TXNRD3: variants seen among roughly 807,000 people sequenced by gnomAD.
The protein encoded by TXNRD3 is TXNRD3 neighbor gene protein.
A neutral mutation model predicts 78.2 loss-of-function variants in TXNRD3; 68 were observed. The ratio of observed to expected loss-of-function variants is 0.87; its 90% CI spans 0.72 to 1.06. The LOEUF is 1.06. Among genes scored for constraint, TXNRD3 ranks in the 50% least tolerant of loss-of-function variants. The pLI, the probability that TXNRD3 is intolerant of heterozygous loss-of-function variation, is 0.00. For missense variants in TXNRD3, 751 were observed against 809.5 expected (o/e 0.93, Z 0.88); for synonymous variants, 296 against 300.1 (o/e 0.99, Z 0.14).
chr3:126,632,784 A>T (rs775525714), intron 7 of TXNRD3, among the ~76,000 whole-genome samples: 1 of 152,166 alleles, frequency 6.6e-6, no homozygotes, highest in African/African-American at 2.4e-5. Flanking sequence ...AGTGGGATGG[A>T]GAACAGAGCC....
At chr3:126,611,961 T>C (rs890446843) in intron 13 of TXNRD3, among the ~76,000 whole-genome samples, 2 of 152,218 alleles carry the variant, frequency 1.3e-5, no homozygotes, top group African/African-American at 4.8e-5. Flanking sequence ...TACAGTTACT[T>C]GTAGCCAAAA....
chr3:126,626,434 C>T (rs938423704), intron 10 of TXNRD3, among the ~76,000 whole-genome samples: 4 of 151,980 alleles, frequency 2.6e-5, no homozygotes, highest in Non-Finnish European at 4.4e-5. Context: ...TATATAGAAG[C>T]CCTGCAATTC....
At chr3:126,629,865 T>C (rs1938669077) in intron 9 of TXNRD3, among the ~76,000 whole-genome samples, 2 of 152,228 alleles carry the variant, frequency 1.3e-5, no homozygotes, top group Admixed American at 6.5e-5. Flanking sequence ...TATGAGGAAT[T>C]CAAGTGGCAA....
intron 12 of TXNRD3, among the ~76,000 whole-genome samples, chr3:126,616,808 G>T (rs1938330149): frequency 6.6e-6 from 1 of 152,060 alleles, no homozygotes; most frequent in African/African-American, 2.4e-5. Flanking sequence ...TCAATGAGAG[G>T]ATTTGCATAC....
In TXNRD3 at chr3:126,644,332, T is replaced by C. The variant is rs1933178059; in HGVS notation, c.484A>G (p.Ile162Val). The C allele has an allele frequency of 1.3e-6, 2 of 1,536,470 alleles. No homozygotes were observed. The highest frequency in any genetic ancestry group is 8.7e-7 in the Non-Finnish European group (1 of 1,147,020). The change falls in exon 4 of 16, where the codon ATC (isoleucine) becomes GTC (valine). Residue 162 changes from isoleucine (I) to valine (V), a missense_variant. Physicochemically the swap from Ile to Val is conservative, Grantham distance 29. Transcript: ENST00000524230. ...GAAAGGCCTCCAGAACCACCACCGATGATGATGAGATCATAATCATATGCC... is the reference window on the plus strand; with the variant it reads ...GAAAGGCCTCCAGAACCACCACCGACGATGATGAGATCATAATCATATGCC...
chr3:126,614,650 A>T (rs1323122254), intron 13 of TXNRD3, among the ~76,000 whole-genome samples: 1 of 152,242 alleles, frequency 6.6e-6, no homozygotes, highest in African/African-American at 2.4e-5. Flanking sequence ...CCAGAAATTT[A>T]AATAGGAGTT....
At chr3:126,611,310 A>T (rs561762724) in intron 13 of TXNRD3, among the ~76,000 whole-genome samples, 178 bp from the exon 14 acceptor site, 1 of 152,336 alleles carries the variant, frequency 6.6e-6, no homozygotes, top group East Asian at 1.9e-4. Flanking sequence ...CTGAAATGCT[A>T]GCTGCATATG....
intron 5 of TXNRD3, among the ~76,000 whole-genome samples, chr3:126,643,607 G>T (rs1184602215): frequency 6.6e-6 from 1 of 151,932 alleles, no homozygotes; most frequent in Non-Finnish European, 1.5e-5. Context: ...GAAATACTGT[G>T]GTCATGGAAT....
chr3:126,630,216 A>G (rs1321671286), intron 9 of TXNRD3, among the ~76,000 whole-genome samples: 1 of 152,256 alleles, frequency 6.6e-6, no homozygotes. Flanking sequence ...ATTTGATGAC[A>G]GGAAGTTTGC....
intron 1 of TXNRD3, among the ~76,000 whole-genome samples, chr3:126,649,348 T>C (rs1263473726): frequency 1.3e-5 from 2 of 152,104 alleles, no homozygotes; most frequent in African/African-American, 4.8e-5. Context: ...AAATAACAAA[T>C]GTTGGTGAGG....
Position 126,630,744 on chromosome 3 carries a change from C to T in TXNRD3, c.1165G>A (p.Val389Met). 5 of 1,534,352 alleles carry T rather than the reference C, an allele frequency of 3.3e-6. No homozygotes were observed. Among genetic ancestry groups the T allele is most frequent in the South Asian group, 1.2e-5 (1 of 83,984 alleles). ...GGTATGAATTTCCGTAGGAACTTCA[C>T]ACCATGCTGCTCCATGTAGGAACCC... Residue 389 changes from valine to methionine, a missense_variant, in exon 9 of 16, where the codon GTG (valine) becomes ATG (methionine). By Grantham distance (21) the Val-to-Met change is conservative. Coordinates refer to ENST00000524230, the MANE Select transcript of TXNRD3 (RefSeq NM_052883.3).
At chr3:126,620,043 C>T (rs992090742) in intron 12 of TXNRD3, among the ~76,000 whole-genome samples, 23 of 152,138 alleles carry the variant, frequency 1.5e-4, no homozygotes, top group African/African-American at 5.6e-4. Context: ...TGCCTGTAAT[C>T]CCAGCACTTT....
At position 126,642,090 on chromosome 3, in the gene TXNRD3, G is replaced by A. The variant is rs1933104697; in HGVS notation, c.654C>T (p.Ala218=). Residue 218 remains alanine, a synonymous_variant, in exon 6 of 16, where the codon GCC becomes GCT. Coordinates refer to ENST00000524230, the MANE Select transcript of TXNRD3 (RefSeq NM_052883.3). Reference sequence around the variant, plus strand: ...AGTCACATAATGCCTGCCCCAAAAGGGCAGCCTGATGCATCAATTTCTTAG... The same window carrying A: ...AGTCACATAATGCCTGCCCCAAAAGAGCAGCCTGATGCATCAATTTCTTAG... 2 of 1,535,560 alleles carry A rather than the reference G, an allele frequency of 1.3e-6. No homozygotes were observed. The highest frequency in any genetic ancestry group is 8.7e-7 in the Non-Finnish European group (1 of 1,146,636).
At chr3:126,641,313 C>T (rs1477449211) in intron 6 of TXNRD3, among the ~76,000 whole-genome samples, 1 of 152,128 alleles carries the variant, frequency 6.6e-6, no homozygotes, top group Non-Finnish European at 1.5e-5. Flanking sequence ...CCTTCATCTA[C>T]TCTTCACTCC....
chr3:126,631,914 C>T (rs1188279286), intron 7 of TXNRD3, 35 bp from the exon 8 acceptor site: 1 of 1,401,722 alleles, frequency 7.1e-7, no homozygotes, highest in South Asian at 1.2e-5. Flanking sequence ...ACTTAGCAAA[C>T]ACTACAGAGT....
chr3:126,619,962 A>T (rs1938410577), intron 12 of TXNRD3, among the ~76,000 whole-genome samples: 1 of 152,036 alleles, frequency 6.6e-6, no homozygotes, highest in South Asian at 2.1e-4. Flanking sequence ...CATGTACTGA[A>T]GCGTCAAAAG....
At chr3:126,649,575 A>T (rs1054422601) in intron 1 of TXNRD3, among the ~76,000 whole-genome samples, 1 of 152,256 alleles carries the variant, frequency 6.6e-6, no homozygotes, top group Non-Finnish European at 1.5e-5. Flanking sequence ...CATAATAGCC[A>T]AAAGGTGGAA....
rs140684099 is a variant in TXNRD3, at chr3:126,607,663, C to T, written c.*242G>A. ...AGCCTTGGCTCACCTCATAACGGGGCTCCAAGCTAAGGCGTCAAGGAAGCA... is the reference window on the plus strand; with the variant it reads ...AGCCTTGGCTCACCTCATAACGGGGTTCCAAGCTAAGGCGTCAAGGAAGCA... On this transcript the variant is annotated 3_prime_UTR_variant, in exon 16 of 16. Transcript: ENST00000524230. The T allele has an allele frequency of 2.7e-3, 917 of 338,760 alleles. 7 individuals are homozygous for T. Among genetic ancestry groups the T allele is most frequent in the African/African-American group, 0.013 (634 of 47,350 alleles). The allele number at this position is 338,760 out of a possible 1,614,324, so 21.0% of individuals were successfully genotyped here.
At chr3:126,653,887 G>A (rs1305024500) in intron 1 of TXNRD3, among the ~76,000 whole-genome samples, 3 of 152,152 alleles carry the variant, frequency 2.0e-5, no homozygotes, top group Non-Finnish European at 2.9e-5. Context: ...TAACATGCAT[G>A]AATCTCTGAA....
Sources: allele counts gnomAD v4.1 joint callset (sites outside exome capture counted in the v4.1 genomes callset), GRCh38; gene constraint gnomAD v4.1.1; transcripts MANE v1.5; gene names NCBI Gene and HGNC (gene_info 2026-07-23, HGNC 2026-07-21).